ADCY7: variants seen among roughly 807,000 people sequenced by gnomAD.
ADCY7 encodes adenylate cyclase type 7.
Under a neutral mutation model 120.6 loss-of-function variants are expected in ADCY7, and 72 were observed. The ratio of observed to expected loss-of-function variants is 0.60; its 90% CI spans 0.49 to 0.73. ADCY7 has a LOEUF of 0.73. Among genes scored for constraint, ADCY7 ranks in the 30% least tolerant of loss-of-function variants. The pLI, the probability that ADCY7 is intolerant of heterozygous loss-of-function variation, is 0.00. For synonymous variants in ADCY7, 661 were observed against 628.0 expected (o/e 1.05, Z -0.78); for missense variants, 1,227 against 1,486.0 (o/e 0.83, Z 2.87).
At chr16:50,311,814 C>CA (rs1555525940) in intron 20 of ADCY7, 28 bp downstream of exon 20, 37 of 1,256,070 alleles carry the variant, frequency 2.9e-5, no homozygotes, top group African/African-American at 1.5e-4. Flanking sequence ...CCCCCCCCCC[C>CA]CAAGCTCTGC....
chr16:50,317,892 CCTAA>C lies in ADCY7; in HGVS notation c.*2389_*2392del, dbSNP rs1031938615. On this transcript the variant is annotated 3_prime_UTR_variant, in exon 26 of 26. Transcript: ENST00000673801. The stretch of plus-strand genomic sequence containing the variant: ...GTTTTCTGGCTTATTGAGGAAATTT[CCTAA>C]CAAACAAACAAACAAACAAACAGAA... The C allele has an allele frequency of 7.7e-6, 1 of 130,030 alleles. No homozygotes were observed. Among genetic ancestry groups the C allele is most frequent in the South Asian group, 2.4e-4 (1 of 4,234 alleles). 8.1% of individuals were successfully genotyped at this position (130,030 alleles called of 1,614,324 possible). A position where few individuals can be genotyped will look rare whatever the true frequency, so the allele number is the denominator to read the frequency against.
intron 1 of ADCY7, among the ~76,000 whole-genome samples, chr16:50,254,266 G>A (rs898789464): frequency 4.1e-4 from 63 of 152,134 alleles, no homozygotes; most frequent in African/African-American, 1.1e-3. Flanking sequence ...CTCCGCTTCC[G>A]CAGGCTCCAG....
At position 50,310,840 on chromosome 16, in the gene ADCY7, CA is replaced by C; in HGVS notation, c.2316del (p.Gly773AlafsTer23). 1 of 1,612,844 alleles carries C rather than the reference CA, an allele frequency of 6.2e-7. No homozygotes were observed. Among genetic ancestry groups the C allele is most frequent in the South Asian group, 1.1e-5 (1 of 90,842 alleles). ...SPCWQWDCCG[Q>X]GLGNLTKPNG... ...ATGCTGGCAGTGGGACTGCTGCGGC[CA>C]AGGCCTGGGCAACCTCACCAAGCCC... On this transcript the variant is annotated frameshift_variant, in exon 19 of 26. Transcript: ENST00000673801. LOFTEE classifies it high-confidence loss of function.
intron 1 of ADCY7, among the ~76,000 whole-genome samples, chr16:50,285,007 AACCCCCACAGC>A (rs1298850469): frequency 6.6e-6 from 1 of 152,218 alleles, no homozygotes; most frequent in African/African-American, 2.4e-5. Flanking sequence ...CTTGTTTGGC[AACCCCCACAGC>A]ACAGGGTTGG....
rs754768006 is a variant in ADCY7 at position 50,309,544 on chromosome 16, A to G, written c.2062-4A>G. 2 of 1,613,546 alleles carry G rather than the reference A, an allele frequency of 1.2e-6. No individual in the cohort carries two copies. The highest frequency in any genetic ancestry group is 1.3e-5 in the African/African-American group (1 of 74,894). On this transcript the variant is annotated splice_region_variant and splice_polypyrimidine_tract_variant and intron_variant, in intron 17 of 25. Coordinates refer to ENST00000673801, the MANE Select transcript of ADCY7 (RefSeq NM_001114.5). ...GGACTGATGGGGACCTGTCTCCTCTACAGCCCCTGATGCCTTTCCAAGTTC... is the reference window on the plus strand; with the variant it reads ...GGACTGATGGGGACCTGTCTCCTCTGCAGCCCCTGATGCCTTTCCAAGTTC...
At chr16:50,298,877 T>C (rs1362171622) in intron 7 of ADCY7, 27 bp from the exon 8 acceptor site, 1 of 1,602,376 alleles carries the variant, frequency 6.2e-7, no homozygotes, top group Non-Finnish European at 8.5e-7. Flanking sequence ...CATCTTCCAG[T>C]GACCAGGCCC....
Position 50,317,051 on chromosome 16 carries a change from T to G in ADCY7, c.*1546T>G, listed in dbSNP as rs2036832381. On this transcript the variant is annotated 3_prime_UTR_variant, in exon 26 of 26. Coordinates refer to ENST00000673801, the MANE Select transcript of ADCY7 (RefSeq NM_001114.5). ...GCTGCAAATTAAGAGTACAGCTAAG[T>G]GCGGGGGTGGCGGTGGAGGGAACGA... 1 of 152,848 alleles carries G rather than the reference T, an allele frequency of 6.5e-6. No individual in the cohort carries two copies. The allele number at this position is 152,848 out of a possible 1,614,324, so 9.5% of individuals were successfully genotyped here.
intron 15 of ADCY7, 117 bp downstream of exon 15, chr16:50,307,264 T>A: frequency 1.1e-6 from 1 of 892,176 alleles, no homozygotes; most frequent in Non-Finnish European, 1.7e-6. Flanking sequence ...GCTGGGGTCC[T>A]AGCAACTGGA....
chr16:50,291,826 G>C lies in ADCY7; in HGVS notation c.466G>C (p.Ala156Pro). ...TGTCGCCGTTGGGGCCGTCTCCACT[G>C]CCTCCCACCTCCTGGTGCTCGGTTC... ...GAVAVGAVSTASHLLVLGSLM... is the reference protein window; with the variant it reads ...GAVAVGAVSTPSHLLVLGSLM... Residue 156 changes from alanine (A) to proline (P), a missense_variant, in exon 4 of 26, where the codon GCC becomes CCC. By Grantham distance (27) the Ala-to-Pro change is conservative. This residue lies in a region of ADCY7 where 382 missense variants were observed against 411.4 expected (regional missense o/e 0.93). Transcript: ENST00000673801. 1.2e-6 allele frequency: 2 copies of C among 1,614,068 alleles called. No individual in the cohort carries two copies. Among genetic ancestry groups the C allele is most frequent in the Non-Finnish European group, 1.7e-6 (2 of 1,179,964 alleles).
At chr16:50,267,306 G>A (rs188879537) in intron 1 of ADCY7, among the ~76,000 whole-genome samples, 45 of 152,320 alleles carry the variant, frequency 3.0e-4, no homozygotes, top group Admixed American at 1.4e-3. Context: ...ATCTAAACAT[G>A]TATGTACAGA....
At chr16:50,268,446 G>T (rs1044335101) in intron 1 of ADCY7, among the ~76,000 whole-genome samples, 9 of 152,070 alleles carry the variant, frequency 5.9e-5, no homozygotes, top group Admixed American at 5.9e-4. Context: ...TGTCACCCAT[G>T]CTGGAGTGCA....
chr16:50,255,211 T>C (rs1403943602), intron 1 of ADCY7, among the ~76,000 whole-genome samples: 1 of 151,092 alleles, frequency 6.6e-6, no homozygotes, highest in Non-Finnish European at 1.5e-5. Context: ...GTGGGAGGAT[T>C]GCGTGAGCCT....
intron 1 of ADCY7, among the ~76,000 whole-genome samples, chr16:50,285,871 G>C (rs1283484192): frequency 6.6e-6 from 1 of 152,182 alleles, no homozygotes; most frequent in Non-Finnish European, 1.5e-5. Flanking sequence ...GAGATATAAG[G>C]GCTGGCAGGC....
chr16:50,305,717 C>G, intron 13 of ADCY7, 60 bp from the exon 14 acceptor site: 1 of 1,527,190 alleles, frequency 6.5e-7, no homozygotes, highest in East Asian at 2.2e-5. Flanking sequence ...CTGCTGCCAC[C>G]TCCTGAGGGA....
At chr16:50,245,004 C>A (rs906215244), upstream of ADCY7, among the ~76,000 whole-genome samples, 1 of 152,196 alleles carries the variant, frequency 6.6e-6, no homozygotes, top group African/African-American at 2.4e-5. Flanking sequence ...CACCTTCCAG[C>A]CTCGGCCATC....
In ADCY7 at chr16:50,312,976, C is replaced by G; in HGVS notation, c.2691C>G (p.Val897=). ...AAGTGTTCTACACAGAGTGCGATGTCAACAAAGAAGGGCTGGAGTGCCTAC... is the reference window on the plus strand; with the variant it reads ...AAGTGTTCTACACAGAGTGCGATGTGAACAAAGAAGGGCTGGAGTGCCTAC... ...DFKVFYTECD[V]NKEGLECLRL... is the part of the protein sequence containing the mutation. Residue 897 remains valine, a synonymous_variant, in exon 22 of 26, where the codon GTC becomes GTG. Transcript: ENST00000673801. The G allele has an allele frequency of 6.2e-7, 1 of 1,614,198 alleles. No individual in the cohort carries two copies. Among genetic ancestry groups the G allele is most frequent in the Non-Finnish European group, 8.5e-7 (1 of 1,180,044 alleles).
At position 50,301,193 on chromosome 16, in the gene ADCY7, C is replaced by T; in HGVS notation, c.1347C>T (p.Thr449=). 1 of 1,605,388 alleles carries T rather than the reference C, an allele frequency of 6.2e-7. No individual in the cohort carries two copies. Among genetic ancestry groups the T allele is most frequent in the East Asian group, 2.3e-5 (1 of 44,376 alleles). Residue 449 remains threonine (T), a synonymous_variant, in exon 10 of 26, where the codon ACC becomes ACT. Transcript: ENST00000673801. ...DPYLKEMNIR[T]YLVIDPRSQQ... Reference sequence around the variant, plus strand: ...ACCTCAAGGAGATGAACATCCGCACCTACCTGGTCATCGACCCCCGGGTAC... The same window carrying T: ...ACCTCAAGGAGATGAACATCCGCACTTACCTGGTCATCGACCCCCGGGTAC...
At chr16:50,309,175 C>T in intron 17 of ADCY7, 1 of 318,086 alleles carries the variant, frequency 3.1e-6, no homozygotes, top group South Asian at 6.4e-5. Context: ...CCACCTCTCT[C>T]CCAGACCCCG....
chr16:50,258,483 T>TC (rs1200425541), intron 1 of ADCY7, among the ~76,000 whole-genome samples: 5 of 148,968 alleles, frequency 3.4e-5, no homozygotes, highest in African/African-American at 1.2e-4. Context: ...TTGATTTTTT[T>TC]CACACAACAG....
Sources: gnomAD v4.1 joint callset for allele counts (sites outside exome capture counted in the v4.1 genomes callset) on GRCh38, gnomAD v4.1.1 for gene constraint, gnomAD v4.1.1 regional missense constraint, MANE v1.5 for transcripts, NCBI Gene and HGNC (gene_info 2026-07-23, HGNC 2026-07-21) for gene names.